PTPRD: variants seen among roughly 807,000 people sequenced by gnomAD.
The protein encoded by PTPRD is protein tyrosine phosphatase receptor type D.
A neutral mutation model predicts 214.5 loss-of-function variants in PTPRD; 34 were observed. The ratio of observed to expected loss-of-function variants is 0.16; its 90% CI spans 0.12 to 0.21. The LOEUF (loss-of-function observed/expected upper bound fraction) is 0.21, where lower values mean the gene tolerates loss of function less well. PTPRD is among the 10% of genes least tolerant of loss of function. PTPRD has a pLI of 1.00. For missense variants in PTPRD, 2,545 were observed against 2,398.7 expected, an observed-to-expected ratio of 1.06 and a Z score of -1.27; for synonymous variants, 1,128 against 845.7, an observed-to-expected ratio of 1.33 and a Z score of -5.79.
intron 11 of PTPRD, among the ~76,000 whole-genome samples, chr9:8,961,614 C>G (rs116773637): frequency 2.0e-5 from 3 of 152,074 alleles, no homozygotes; most frequent in Admixed American, 6.6e-5. Context: ...AACTGAGCAA[C>G]CACTGTGGCT....
At chr9:9,882,342 T>G (rs971501508) in intron 5 of PTPRD, among the ~76,000 whole-genome samples, 4 of 152,058 alleles carry the variant, frequency 2.6e-5, no homozygotes, top group African/African-American at 9.7e-5. Flanking sequence ...TCCCATCATT[T>G]TTGCTTGTAT....
intron 2 of PTPRD, among the ~76,000 whole-genome samples, chr9:10,531,667 G>C (rs750139139): frequency 5.9e-5 from 9 of 152,114 alleles, no homozygotes; most frequent in Non-Finnish European, 1.0e-4. Context: ...CTGGCTTTAA[G>C]GTGTATGCAT....
intron 2 of PTPRD, among the ~76,000 whole-genome samples, chr9:10,458,233 T>A (rs534484573): frequency 6.6e-6 from 1 of 152,058 alleles, no homozygotes; most frequent in Non-Finnish European, 1.5e-5. Context: ...AAGACAAAGA[T>A]ATCCCAAGGA....
At chr9:9,099,342 A>T (rs1157324652) in intron 10 of PTPRD, among the ~76,000 whole-genome samples, 3 of 152,170 alleles carry the variant, frequency 2.0e-5, no homozygotes, top group African/African-American at 7.2e-5. Flanking sequence ...TGTCTCTCAC[A>T]TGTGTCAAAA....
intron 30 of PTPRD, among the ~76,000 whole-genome samples, chr9:8,474,292 T>C (rs1008440917): frequency 1.3e-5 from 2 of 152,160 alleles, no homozygotes; most frequent in Admixed American, 6.5e-5. Flanking sequence ...ATCTCCTTTC[T>C]CTCAGGGAAG....
At chr9:8,742,056 A>T (rs2154446487) in intron 11 of PTPRD, among the ~76,000 whole-genome samples, 1 of 152,244 alleles carries the variant, frequency 6.6e-6, no homozygotes, top group South Asian at 2.1e-4. Context: ...CTGTTCCAAA[A>T]TTTCATATTA....
At chr9:8,906,588 C>G (rs768894550) in intron 11 of PTPRD, among the ~76,000 whole-genome samples, 1 of 151,986 alleles carries the variant, frequency 6.6e-6, no homozygotes, top group Non-Finnish European at 1.5e-5. Context: ...AAAAAGTAAC[C>G]ACTTGCAAAG....
At chr9:9,834,371 G>A (rs1048974492) in intron 5 of PTPRD, among the ~76,000 whole-genome samples, 2 of 151,974 alleles carry the variant, frequency 1.3e-5, no homozygotes, top group Non-Finnish European at 2.9e-5. Flanking sequence ...TTGCATAGTG[G>A]CTCTGATTGA....
intron 11 of PTPRD, among the ~76,000 whole-genome samples, chr9:8,770,309 G>C (rs549108524): frequency 4.0e-5 from 6 of 149,064 alleles, no homozygotes; most frequent in African/African-American, 1.5e-4. Flanking sequence ...TAGAAAGAAA[G>C]AAAGTACCTT....
chr9:10,389,496 C>T (rs1488470955), intron 2 of PTPRD, among the ~76,000 whole-genome samples: 2 of 151,830 alleles, frequency 1.3e-5, no homozygotes, highest in East Asian at 3.9e-4. Flanking sequence ...TGTAACTGTT[C>T]CCTTTGTTTC....
intron 5 of PTPRD, among the ~76,000 whole-genome samples, chr9:9,844,277 A>G (rs969159156): frequency 6.6e-6 from 1 of 151,990 alleles, no homozygotes; most frequent in Non-Finnish European, 1.5e-5. Context: ...AAACACATCC[A>G]TCATCACCCA....
intron 5 of PTPRD, among the ~76,000 whole-genome samples, chr9:9,850,430 A>G (rs913180517): frequency 7.9e-5 from 12 of 152,162 alleles, no homozygotes; most frequent in African/African-American, 2.9e-4. Flanking sequence ...GATGACTGAA[A>G]CACCACATAT....
chr9:9,230,942 C>T (rs2099962718), intron 9 of PTPRD, among the ~76,000 whole-genome samples: 1 of 152,036 alleles, frequency 6.6e-6, no homozygotes, highest in South Asian at 2.1e-4. Flanking sequence ...TTATAGTGTG[C>T]AGTCCAGAAC....
intron 21 of PTPRD, 32 bp from the exon 22 acceptor site, chr9:8,507,466 C>G: frequency 6.2e-7 from 1 of 1,612,832 alleles, no homozygotes; most frequent in Non-Finnish European, 8.5e-7. Flanking sequence ...ATTGAACTCA[C>G]AATCACCAGG....
chr9:9,152,205 C>G (rs945203497), intron 10 of PTPRD, among the ~76,000 whole-genome samples: 3 of 152,110 alleles, frequency 2.0e-5, no homozygotes, highest in African/African-American at 4.8e-5. Flanking sequence ...TTTAACCAAG[C>G]TTTCTGGCAA....
At chr9:10,513,236 T>C (rs2048900267) in intron 2 of PTPRD, among the ~76,000 whole-genome samples, 2 of 151,948 alleles carry the variant, frequency 1.3e-5, no homozygotes, top group South Asian at 2.1e-4. Flanking sequence ...AAATGTTGTT[T>C]GGAAGTTATA....
chr9:9,997,699 G>A (rs544949233), intron 4 of PTPRD, among the ~76,000 whole-genome samples: 23 of 152,156 alleles, frequency 1.5e-4, no homozygotes, highest in African/African-American at 4.1e-4. Context: ...CTCCTGAAAC[G>A]TTTTTTTCTA....
chr9:10,174,284 A>T (rs2099231873), intron 3 of PTPRD, among the ~76,000 whole-genome samples: 1 of 152,138 alleles, frequency 6.6e-6, no homozygotes, highest in South Asian at 2.1e-4. Flanking sequence ...GAACTGAGTG[A>T]GTTCTCACCC....
intron 4 of PTPRD, among the ~76,000 whole-genome samples, chr9:9,966,631 A>C (rs148725987): frequency 3.3e-5 from 5 of 152,304 alleles, no homozygotes; most frequent in Non-Finnish European, 7.4e-5. Flanking sequence ...TGAGCTGTGC[A>C]AACTGTTTTA....
Sources: gnomAD v4.1 joint callset for allele counts (sites outside exome capture counted in the v4.1 genomes callset) on GRCh38, gnomAD v4.1.1 for gene constraint, MANE v1.5 for transcripts, NCBI Gene and HGNC (gene_info 2026-07-23, HGNC 2026-07-21) for gene names.